The following SYN3 variants were observed in gnomAD, a reference collection of about 807,000 sequenced individuals.
The protein encoded by SYN3 is synapsin III.
A neutral mutation model predicts 65.8 loss-of-function variants in SYN3; 35 were observed. The ratio of observed to expected loss-of-function variants is 0.53; its 90% CI spans 0.41 to 0.70. SYN3 has a LOEUF of 0.70. Ranked by LOEUF, SYN3 falls within the 30% of genes least tolerant of loss-of-function variation. SYN3 has a pLI of 0.00. For missense variants in SYN3, 680 were observed against 749.0 expected, an observed-to-expected ratio of 0.91 and a Z score of 1.08; for synonymous variants, 270 against 292.9, an observed-to-expected ratio of 0.92 and a Z score of 0.80.
intron 6 of SYN3, among the ~76,000 whole-genome samples, chr22:32,693,515 G>A (rs923123522): frequency 1.3e-5 from 2 of 151,384 alleles, no homozygotes; most frequent in African/African-American, 2.4e-5. Flanking sequence ...AAGTAAAACC[G>A]TAGATAAGGG....
intron 6 of SYN3, among the ~76,000 whole-genome samples, chr22:32,645,945 G>A (rs1004464519): frequency 6.6e-6 from 1 of 152,124 alleles, no homozygotes. Context: ...TCTGGCACGT[G>A]AGCCTTGGAA....
At chr22:32,917,633 A>C (rs553497292) in intron 4 of SYN3, among the ~76,000 whole-genome samples, 1 of 152,318 alleles carries the variant, frequency 6.6e-6, no homozygotes, top group East Asian at 1.9e-4. Flanking sequence ...GCACATGGGA[A>C]AGTGCACAGG....
intron 6 of SYN3, among the ~76,000 whole-genome samples, chr22:32,782,504 G>GT (rs1242644336): frequency 2.1e-4 from 32 of 150,932 alleles, no homozygotes; most frequent in African/African-American, 7.8e-4. Context: ...GCCTGGCCAG[G>GT]CCTTGTAATT....
chr22:32,805,937 G>A (rs149246732), intron 6 of SYN3, among the ~76,000 whole-genome samples: 72 of 152,030 alleles, frequency 4.7e-4, no homozygotes, highest in African/African-American at 1.5e-3. Context: ...CATCTTTAGG[G>A]AGGGAGAGCT....
chr22:32,597,120 T>G (rs780279918), intron 6 of SYN3, among the ~76,000 whole-genome samples: 1 of 151,884 alleles, frequency 6.6e-6, no homozygotes, highest in Non-Finnish European at 1.5e-5. Flanking sequence ...ACGGGGTTGC[T>G]GTGAGGATTG....
chr22:32,735,834 A>G (rs2061330862), intron 6 of SYN3, among the ~76,000 whole-genome samples: 1 of 152,228 alleles, frequency 6.6e-6, no homozygotes, highest in Non-Finnish European at 1.5e-5. Flanking sequence ...GAACCACTCC[A>G]GCCTGCACCC....
intron 1 of SYN3, among the ~76,000 whole-genome samples, chr22:33,020,885 C>T (rs1258288326): frequency 6.6e-6 from 1 of 152,202 alleles, no homozygotes; most frequent in African/African-American, 2.4e-5. Flanking sequence ...GAGAAAATTA[C>T]TTAGCCTCTC....
intron 2 of SYN3, among the ~76,000 whole-genome samples, chr22:32,982,250 T>C (rs187236855): frequency 4.6e-5 from 7 of 152,212 alleles, no homozygotes; most frequent in Admixed American, 2.0e-4. Context: ...AGATTTATTA[T>C]TGATCTATCC....
At chr22:32,593,208 C>A (rs2059152089) in intron 7 of SYN3, among the ~76,000 whole-genome samples, 1 of 151,864 alleles carries the variant, frequency 6.6e-6, no homozygotes. Context: ...TTCCCTTGAT[C>A]TCAGCATTTT....
At chr22:32,875,736 T>C (rs975005669) in intron 4 of SYN3, among the ~76,000 whole-genome samples, 7 of 152,182 alleles carry the variant, frequency 4.6e-5, no homozygotes, top group Admixed American at 3.9e-4. Context: ...ATTTCAAGGA[T>C]TGCTGGTGAC....
At chr22:32,971,299 T>A (rs945724467) in intron 3 of SYN3, among the ~76,000 whole-genome samples, 30 of 152,316 alleles carry the variant, frequency 2.0e-4, no homozygotes, top group African/African-American at 7.2e-4. Context: ...CTGCTTTTTT[T>A]ATCCCCCCAG....
At chr22:32,733,980 C>T (rs2061304305) in intron 6 of SYN3, among the ~76,000 whole-genome samples, 1 of 151,930 alleles carries the variant, frequency 6.6e-6, no homozygotes, top group Non-Finnish European at 1.5e-5. Context: ...CCAGGCTGAG[C>T]CAAGCAAAGA....
At chr22:33,035,512 T>A (rs2053844210) in intron 1 of SYN3, among the ~76,000 whole-genome samples, 1 of 152,186 alleles carries the variant, frequency 6.6e-6, no homozygotes, top group Non-Finnish European at 1.5e-5. Context: ...CATTCAAAAG[T>A]GACCTTGGCT....
chr22:32,844,883 T>C (rs2048016653), intron 6 of SYN3, among the ~76,000 whole-genome samples: 1 of 152,046 alleles, frequency 6.6e-6, no homozygotes, highest in Admixed American at 6.6e-5. Flanking sequence ...GCTAATTGTT[T>C]TAAATTTTTA....
intron 6 of SYN3, among the ~76,000 whole-genome samples, chr22:32,733,161 A>T (rs914295828): frequency 6.6e-6 from 1 of 152,204 alleles, no homozygotes; most frequent in Non-Finnish European, 1.5e-5. Flanking sequence ...AGGCTCCCAG[A>T]TTTTCAACTC....
intron 6 of SYN3, among the ~76,000 whole-genome samples, chr22:32,816,598 T>C (rs1391070950): frequency 2.0e-5 from 3 of 152,188 alleles, no homozygotes. Context: ...TCCTTATTTC[T>C]GTCTTGTTAC....
At chr22:32,876,044 T>C (rs2048973324) in intron 4 of SYN3, among the ~76,000 whole-genome samples, 1 of 152,170 alleles carries the variant, frequency 6.6e-6, no homozygotes, top group Non-Finnish European at 1.5e-5. Context: ...CCTGACTTAG[T>C]CTGTTTGGGC....
At chr22:32,923,739 T>C (rs2050395273) in intron 4 of SYN3, among the ~76,000 whole-genome samples, 2 of 152,234 alleles carry the variant, frequency 1.3e-5, no homozygotes, top group South Asian at 2.1e-4. Flanking sequence ...AGGTTTGTTA[T>C]ACCAGTAAAC....
intron 3 of SYN3, among the ~76,000 whole-genome samples, chr22:32,935,828 A>T (rs533355904): frequency 6.6e-6 from 1 of 152,342 alleles, no homozygotes; most frequent in Admixed American, 6.5e-5. Context: ...CTACATTCAC[A>T]TGTAAGCTGT....
Sources: allele counts gnomAD v4.1 joint callset (sites outside exome capture counted in the v4.1 genomes callset), GRCh38; gene constraint gnomAD v4.1.1; transcripts MANE v1.5; gene names NCBI Gene and HGNC (gene_info 2026-07-23, HGNC 2026-07-21).